Variants in H1-1 observed in about 807,000 individuals in gnomAD.
H1-1 encodes histone H1.1.
In H1-1, 2 loss-of-function variants were observed where a neutral mutation model predicts 0.8. The observed-to-expected ratio is 2.64, with a 90% CI of 1.08 to 8.30. The LOEUF (loss-of-function observed/expected upper bound fraction) is 8.30. Among genes scored for constraint, H1-1 ranks in the 30% most tolerant of loss-of-function variants. H1-1 has a pLI of 0.04. For missense variants in H1-1, 516 were observed against 262.6 expected (o/e 1.97, Z -6.67); for synonymous variants, 211 against 108.2 (o/e 1.95, Z -5.89).
Position 26,017,221 on chromosome 6 carries a change from T to C in H1-1, c.512A>G (p.Lys171Arg). The C allele has an allele frequency of 1.2e-6, 2 of 1,614,174 alleles. No homozygotes were observed. Among genetic ancestry groups the C allele is most frequent in the Non-Finnish European group, 1.7e-6 (2 of 1,180,030 alleles). Reference sequence around the variant, plus strand: ...TTTCTTGGGCTTTACAGTTTTGGGTTTTTTTGGATTCTTGGAGGATTTCCT... The same window carrying C: ...TTTCTTGGGCTTTACAGTTTTGGGTCTTTTTGGATTCTTGGAGGATTTCCT... ...ATRKSSKNPK[K>R]PKTVKPKKVA... Residue 171 changes from lysine to arginine, a missense_variant, in exon 1 of 1, where the codon AAA (lysine) becomes AGA (arginine). Physicochemically the swap from Lys to Arg is conservative, Grantham distance 26. Transcript: ENST00000244573.
At position 26,017,653 on chromosome 6, in the gene H1-1, G is replaced by A. The variant is rs918194601; in HGVS notation, c.80C>T (p.Pro27Leu). The change falls in exon 1 of 1, where the codon CCT (proline) becomes CTT (leucine). Residue 27 changes from proline (P) to leucine (L), a missense_variant. Pro to Leu is a moderately conservative substitution (Grantham distance 98). Coordinates refer to ENST00000244573, the MANE Select transcript of H1-1 (RefSeq NM_005325.4). ...CTTGGAGGCTGCTGCAGCCTTAGCAGGTTTCTTTGCCTTCTTGCCAGCTAA... is the reference window on the plus strand; with the variant it reads ...CTTGGAGGCTGCTGCAGCCTTAGCAAGTTTCTTTGCCTTCTTGCCAGCTAA... ...KPLAGKKAKK[P>L]AKAAAASKKK... The A allele has an allele frequency of 2.5e-6, 4 of 1,614,198 alleles. No individual in the cohort carries two copies. The highest frequency in any genetic ancestry group is 2.7e-5 in the African/African-American group (2 of 75,066).
chr6:26,017,696 C>T lies in H1-1; in HGVS notation c.37G>A (p.Ala13Thr), dbSNP rs370833756. The T allele has an allele frequency of 2.0e-5, 33 of 1,613,646 alleles. No homozygotes were observed. The highest frequency in any genetic ancestry group is 4.0e-5 in the African/African-American group (3 of 74,888). The change falls in exon 1 of 1, where the codon GCT becomes ACT. Residue 13 changes from alanine (A) to threonine (T), a missense_variant. Coordinates refer to ENST00000244573, the MANE Select transcript of H1-1 (RefSeq NM_005325.4). Reference protein sequence around the residue: ...ETVPPAPAASAAPEKPLAGKK... With the variant: ...ETVPPAPAASTAPEKPLAGKK... ...CCAGCTAAAGGTTTCTCAGGAGCAGCAGAAGCGGCGGGGGCGGGAGGCACT... is the reference window on the plus strand; with the variant it reads ...CCAGCTAAAGGTTTCTCAGGAGCAGTAGAAGCGGCGGGGGCGGGAGGCACT...
Position 26,017,505 on chromosome 6 carries a change from C to G in H1-1, c.228G>C (p.Val76=). 1 of 1,614,108 alleles carries G rather than the reference C, an allele frequency of 6.2e-7. No homozygotes were observed. Among genetic ancestry groups the G allele is most frequent in the Non-Finnish European group, 8.5e-7 (1 of 1,180,032 alleles). Residue 76 remains valine (V), a synonymous_variant, in exon 1 of 1, where the codon GTG becomes GTC. Coordinates refer to ENST00000244573, the MANE Select transcript of H1-1 (RefSeq NM_005325.4). ...GCTTAATGCGGCTGTTGTTCTTCTCCACGTCGTAGCCTGCGGCCGCCAGCG... is the reference window on the plus strand; with the variant it reads ...GCTTAATGCGGCTGTTGTTCTTCTCGACGTCGTAGCCTGCGGCCGCCAGCG... ...KKALAAAGYD[V]EKNNSRIKLG...
chr6:26,017,704 G>A lies in H1-1; in HGVS notation c.29C>T (p.Ala10Val), dbSNP rs752139590. Residue 10 changes from alanine (A) to valine (V), a missense_variant, in exon 1 of 1, where the codon GCC becomes GTC. Ala to Val is a moderately conservative substitution (Grantham distance 64). Transcript: ENST00000244573. MSETVPPAP[A>V]ASAAPEKPLA... ...AGGTTTCTCAGGAGCAGCAGAAGCG[G>A]CGGGGGCGGGAGGCACTGTTTCAGA... is the stretch of plus-strand genomic sequence containing the variant. The A allele has an allele frequency of 1.5e-5, 25 of 1,613,472 alleles. No homozygotes were observed. The highest frequency in any genetic ancestry group is 1.9e-5 in the Non-Finnish European group (23 of 1,179,898).
chr6:26,017,037 G>A lies in H1-1; in HGVS notation c.*48C>T, dbSNP rs1319546358. On this transcript the variant is annotated 3_prime_UTR_variant, in exon 1 of 1. Transcript: ENST00000244573. ...AGCTCTTTTCCTGAAATGCGTAGGT[G>A]GCTCTTAAAAGAGCCGTTGGGTTAC... is the stretch of plus-strand genomic sequence containing the variant. 6.6e-6 allele frequency: 10 copies of A among 1,518,618 alleles called. No individual in the cohort carries two copies. Among genetic ancestry groups the A allele is most frequent in the Non-Finnish European group, 7.9e-6 (9 of 1,133,064 alleles). 94.1% of individuals were successfully genotyped at this position (1,518,618 alleles called of 1,614,324 possible). A position where few individuals can be genotyped will look rare whatever the true frequency, so the allele number is the denominator to read the frequency against.
In H1-1 at chr6:26,017,570, T is replaced by A. The variant is rs760362039; in HGVS notation, c.163A>T (p.Lys55Ter). Reference protein sequence around the residue: ...ELIVQAASSSKERGGVSLAAL... With the variant: ...ELIVQAASSS ...GCCAACGACACACCACCACGCTCCT[T>A]AGAGGAGGAAGCAGCCTGCACGATC... Residue 55 changes from lysine to a stop codon, truncating the protein, a stop_gained, in exon 1 of 1, where the codon AAG becomes TAG. Coordinates refer to ENST00000244573, the MANE Select transcript of H1-1 (RefSeq NM_005325.4). LOFTEE classifies it low-confidence loss of function (END_TRUNC). 1 of 1,614,078 alleles carries A rather than the reference T, an allele frequency of 6.2e-7. No individual in the cohort carries two copies. The highest frequency in any genetic ancestry group is 8.5e-7 in the Non-Finnish European group (1 of 1,180,008).
rs1462805893 is a variant in H1-1 at position 26,017,550 on chromosome 6, C to G, written c.183G>C (p.Ser61=). Residue 61 remains serine (S), a synonymous_variant, in exon 1 of 1, where the codon TCG becomes TCC. Transcript: ENST00000244573. ...ASSSKERGGV[S]LAALKKALAA... ...CCAGCGCCTTTTTAAGAGCTGCCAACGACACACCACCACGCTCCTTAGAGG... is the reference window on the plus strand; with the variant it reads ...CCAGCGCCTTTTTAAGAGCTGCCAAGGACACACCACCACGCTCCTTAGAGG... 6.2e-7 allele frequency: 1 copy of G among 1,614,190 alleles called. No individual in the cohort carries two copies. The highest frequency in any genetic ancestry group is 8.5e-7 in the Non-Finnish European group (1 of 1,180,036).
chr6:26,017,597 GCT>G lies in H1-1; in HGVS notation c.134_135del (p.Glu45AlafsTer10). The G allele has an allele frequency of 1.9e-6, 3 of 1,614,204 alleles. No individual in the cohort carries two copies. Among genetic ancestry groups the G allele is most frequent in the Non-Finnish European group, 1.7e-6 (2 of 1,180,036 alleles). On this transcript the variant is annotated frameshift_variant, in exon 1 of 1. Coordinates refer to ENST00000244573, the MANE Select transcript of H1-1 (RefSeq NM_005325.4). LOFTEE classifies it low-confidence loss of function (END_TRUNC). The stretch of plus-strand genomic sequence containing the variant: ...GAGGAGGAAGCAGCCTGCACGATCA[GCT>G]CTGACACGGAAGGGCCAGCGGGTTT... ...KKKPAGPSVS[E>X]LIVQAASSSK...
Position 26,017,260 on chromosome 6 carries a change from T to C in H1-1, c.473A>G (p.Lys158Arg), listed in dbSNP as rs537165275. 3.2e-5 allele frequency: 52 copies of C among 1,614,106 alleles called. No individual in the cohort carries two copies. The African/African-American group carries it at 4.4e-4, about 14-fold the overall frequency. Residue 158 changes from lysine to arginine, a missense_variant, in exon 1 of 1, where the codon AAG becomes AGG. Coordinates refer to ENST00000244573, the MANE Select transcript of H1-1 (RefSeq NM_005325.4). ...GGAGGATTTCCTTGTTGCCGCAGGC[T>C]TTTTAGCCTTTTTCGGAGTCTTGAC... ...KSVKTPKKAKKPAATRKSSKN... is the reference protein window; with the variant it reads ...KSVKTPKKAKRPAATRKSSKN...
chr6:26,017,152 G>T lies in H1-1; in HGVS notation c.581C>A (p.Ala194Glu). ...TGGCTTCGTCACCCTAGCCTTGGCCGCCTTGGGTTTTACAGCCTTAGCTTT... is the reference window on the plus strand; with the variant it reads ...TGGCTTCGTCACCCTAGCCTTGGCCTCCTTGGGTTTTACAGCCTTAGCTTT... The part of the protein sequence containing the change: ...PAKAKAVKPK[A>E]AKARVTKPKT... The change falls in exon 1 of 1, where the codon GCG becomes GAG. Residue 194 changes from alanine to glutamate, a missense_variant. By Grantham distance (107) the Ala-to-Glu change is moderately radical (BLOSUM62 -1). Coordinates refer to ENST00000244573, the MANE Select transcript of H1-1 (RefSeq NM_005325.4). 1 of 1,612,874 alleles carries T rather than the reference G, an allele frequency of 6.2e-7. No individual in the cohort carries two copies. Among genetic ancestry groups the T allele is most frequent in the South Asian group, 1.1e-5 (1 of 90,926 alleles).
In H1-1 at chr6:26,017,583, A is replaced by G. The variant is rs1176185866; in HGVS notation, c.150T>C (p.Ala50=). The change falls in exon 1 of 1, where the codon GCT becomes GCC. Residue 50 remains alanine (A), a synonymous_variant. Coordinates refer to ENST00000244573, the MANE Select transcript of H1-1 (RefSeq NM_005325.4). The part of the protein sequence containing the change: ...GPSVSELIVQ[A]ASSSKERGGV... ...CACCACGCTCCTTAGAGGAGGAAGC[A>G]GCCTGCACGATCAGCTCTGACACGG... is the stretch of plus-strand genomic sequence containing the variant. 3 of 1,614,086 alleles carry G rather than the reference A, an allele frequency of 1.9e-6. No individual in the cohort carries two copies. The highest frequency in any genetic ancestry group is 2.5e-6 in the Non-Finnish European group (3 of 1,180,052).
At position 26,017,174 on chromosome 6, in the gene H1-1, C is replaced by T. The variant is rs982655495; in HGVS notation, c.559G>A (p.Ala187Thr). ...PKKVAKSPAK[A>T]KAVKPKAAKA... ...GCCGCCTTGGGTTTTACAGCCTTAG[C>T]TTTAGCAGGGCTTTTAGCTACTTTC... Residue 187 changes from alanine to threonine, a missense_variant, in exon 1 of 1, where the codon GCT (alanine) becomes ACT (threonine). Transcript: ENST00000244573. The T allele has an allele frequency of 3.1e-6, 5 of 1,614,086 alleles. No individual in the cohort carries two copies. Among genetic ancestry groups the T allele is most frequent in the Non-Finnish European group, 3.4e-6 (4 of 1,180,014 alleles).
rs766652757 is a variant in H1-1, at chr6:26,017,418, C to G, written c.315G>C (p.Ser105=). Residue 105 remains serine, a synonymous_variant, in exon 1 of 1, where the codon TCG becomes TCC. Transcript: ENST00000244573. ...CCTTCTTGTTGAGCTTGAAGGAACC[C>G]GAGGCTCCGGTACCCTTTGTCTGCA... is the stretch of plus-strand genomic sequence containing the variant. The part of the protein sequence containing the change: ...TLVQTKGTGA[S]GSFKLNKKAS... 6.2e-7 allele frequency: 1 copy of G among 1,614,010 alleles called. No homozygotes were observed. Among genetic ancestry groups the G allele is most frequent in the Non-Finnish European group, 8.5e-7 (1 of 1,179,984 alleles).
Position 26,017,720 on chromosome 6 carries a change from C to G in H1-1, c.13G>C (p.Val5Leu). The G allele has an allele frequency of 6.2e-7, 1 of 1,612,900 alleles. No individual in the cohort carries two copies. MSET[V>L]PPAPAASAAP... ...GCAGAAGCGGCGGGGGCGGGAGGCA[C>G]TGTTTCAGACATGGTGACTAACACA... The change falls in exon 1 of 1, where the codon GTG becomes CTG. Residue 5 changes from valine to leucine, a missense_variant. Val to Leu is a conservative substitution (Grantham distance 32). Transcript: ENST00000244573.
chr6:26,017,743 A>T lies in H1-1; in HGVS notation c.-11T>A. 6.2e-7 allele frequency: 1 copy of T among 1,605,940 alleles called. No homozygotes were observed. The highest frequency in any genetic ancestry group is 8.5e-7 in the Non-Finnish European group (1 of 1,175,958). The stretch of plus-strand genomic sequence containing the variant: ...CACTGTTTCAGACATGGTGACTAAC[A>T]CAGCACACCAAATAAAGTGGTATAA... On this transcript the variant is annotated 5_prime_UTR_variant, in exon 1 of 1. Transcript: ENST00000244573.
At position 26,017,264 on chromosome 6, in the gene H1-1, T is replaced by C. The variant is rs952509886; in HGVS notation, c.469A>G (p.Lys157Glu). The C allele has an allele frequency of 3.1e-6, 5 of 1,614,210 alleles. No individual in the cohort carries two copies. Among genetic ancestry groups the C allele is most frequent in the Non-Finnish European group, 4.2e-6 (5 of 1,180,038 alleles). The change falls in exon 1 of 1, where the codon AAA (lysine) becomes GAA (glutamate). Residue 157 changes from lysine (K) to glutamate (E), a missense_variant. Transcript: ENST00000244573. ...KKSVKTPKKA[K>E]KPAATRKSSK... is the part of the protein sequence containing the mutation. ...GATTTCCTTGTTGCCGCAGGCTTTT[T>C]AGCCTTTTTCGGAGTCTTGACGCTC...
Position 26,017,686 on chromosome 6 carries a change from T to C in H1-1, c.47A>G (p.Glu16Gly), listed in dbSNP as rs765453206. 2 of 1,613,940 alleles carry C rather than the reference T, an allele frequency of 1.2e-6. No homozygotes were observed. The highest frequency in any genetic ancestry group is 1.7e-6 in the Non-Finnish European group (2 of 1,179,992). The stretch of plus-strand genomic sequence containing the variant: ...TGCCTTCTTGCCAGCTAAAGGTTTC[T>C]CAGGAGCAGCAGAAGCGGCGGGGGC... ...PPAPAASAAP[E>G]KPLAGKKAKK... The change falls in exon 1 of 1, where the codon GAG (glutamate) becomes GGG (glycine). Residue 16 changes from glutamate (E) to glycine (G), a missense_variant. By Grantham distance (98) the Glu-to-Gly change is moderately conservative. Transcript: ENST00000244573.
chr6:26,017,354 C>T lies in H1-1; in HGVS notation c.379G>A (p.Ala127Thr). Residue 127 changes from alanine to threonine, a missense_variant, in exon 1 of 1, where the codon GCT becomes ACT. Transcript: ENST00000244573. ...GCACCCGTTGCCTTAGTTTTTGTAG[C>T]CACCTTTGAGGCGCCGGGCTTGGTT... ...VETKPGASKV[A>T]TKTKATGASK... 2 of 1,614,060 alleles carry T rather than the reference C, an allele frequency of 1.2e-6. No homozygotes were observed. Among genetic ancestry groups the T allele is most frequent in the Non-Finnish European group, 8.5e-7 (1 of 1,180,030 alleles).
rs759278559 is a variant in H1-1 at position 26,017,617 on chromosome 6, G to T, written c.116C>A (p.Ala39Asp). The T allele has an allele frequency of 3.1e-6, 5 of 1,614,200 alleles. No homozygotes were observed. Among genetic ancestry groups the T allele is most frequent in the Non-Finnish European group, 3.4e-6 (4 of 1,180,030 alleles). ...GATCAGCTCTGACACGGAAGGGCCA[G>T]CGGGTTTTTTCTTGGAGGCTGCTGC... Reference protein sequence around the residue: ...KAAAASKKKPAGPSVSELIVQ... With the variant: ...KAAAASKKKPDGPSVSELIVQ... The change falls in exon 1 of 1, where the codon GCT becomes GAT. Residue 39 changes from alanine (A) to aspartate (D), a missense_variant. By Grantham distance (126) the Ala-to-Asp change is moderately radical. Transcript: ENST00000244573.
Sources: gnomAD v4.1 joint callset for allele counts on GRCh38, gnomAD v4.1.1 for gene constraint, MANE v1.5 for transcripts, NCBI Gene and HGNC (gene_info 2026-07-23, HGNC 2026-07-21) for gene names.